Variants in GULP1 observed in about 807,000 individuals in gnomAD.
GULP1 encodes GULP PTB domain containing engulfment adaptor 1.
In GULP1, 19 loss-of-function variants were observed where a neutral mutation model predicts 40.9. The ratio of observed to expected loss-of-function variants is 0.46; its 90% CI spans 0.32 to 0.68. The LOEUF is 0.68. Ranked by LOEUF, GULP1 falls within the 30% of genes least tolerant of loss-of-function variation. GULP1 has a pLI of 0.03. For synonymous variants in GULP1, 119 were observed against 117.6 expected, an observed-to-expected ratio of 1.01 and a Z score of -0.08; for missense variants, 312 against 362.2, an observed-to-expected ratio of 0.86 and a Z score of 1.12.
chr2:188,455,508 A>G (rs1280079368), intron 2 of GULP1, among the ~76,000 whole-genome samples: 1 of 152,166 alleles, frequency 6.6e-6, no homozygotes, highest in African/African-American at 2.4e-5. Context: ...GCCTGCTGCC[A>G]TCCACACAGG....
At chr2:188,422,442 G>A (rs971393951) in intron 2 of GULP1, among the ~76,000 whole-genome samples, 4 of 150,944 alleles carry the variant, frequency 2.6e-5, no homozygotes, top group Non-Finnish European at 5.9e-5. Flanking sequence ...ATTTATCTCT[G>A]AAACTAAATA....
chr2:188,483,363 C>G (rs2061585369), intron 3 of GULP1, 68 bp from the exon 4 acceptor site: 1 of 712,384 alleles, frequency 1.4e-6, no homozygotes, highest in South Asian at 1.9e-5. Flanking sequence ...AATTACCATA[C>G]AAATGGTAAT....
chr2:188,293,115 A>G (rs1043116609), intron 1 of GULP1: 3 of 152,292 alleles, frequency 2.0e-5, no homozygotes, highest in African/African-American at 4.8e-5. Context: ...GTGCCAAGGT[A>G]GAGTAAGGAA....
chr2:188,296,044 T>C (rs1287953441), intron 1 of GULP1, among the ~76,000 whole-genome samples: 1 of 152,098 alleles, frequency 6.6e-6, no homozygotes, highest in South Asian at 2.1e-4. Flanking sequence ...TTCAGTATAA[T>C]AATGAATTCA....
In GULP1 at chr2:188,369,802, A is replaced by G. The variant is rs114773343; in HGVS notation, c.-171-13961A>G. ...GACTAATTCTCTTCCCATCCCGCTCAGAGTCTAGAGCCTATTCTTGGTTCA... is the reference window on the plus strand; with the variant it reads ...GACTAATTCTCTTCCCATCCCGCTCGGAGTCTAGAGCCTATTCTTGGTTCA... On this transcript the variant is annotated intron_variant, in intron 1 of 11. Coordinates refer to ENST00000409830, the MANE Select transcript of GULP1 (RefSeq NM_016315.4). Among the ~76,000 whole-genome samples, 608 of 152,200 alleles carry G rather than the reference A, an allele frequency of 4.0e-3. 2 individuals carry two copies. Among genetic ancestry groups the G allele is most frequent in the Admixed American group, 0.01 (159 of 15,292 alleles).
intron 2 of GULP1, among the ~76,000 whole-genome samples, chr2:188,429,974 G>A (rs942023901): frequency 6.6e-6 from 1 of 152,066 alleles, no homozygotes; most frequent in Non-Finnish European, 1.5e-5. Flanking sequence ...CTCCCAAAGT[G>A]CTGGGATTTC....
chr2:188,359,133 A>G (rs559156794), intron 1 of GULP1, among the ~76,000 whole-genome samples: 34 of 152,276 alleles, frequency 2.2e-4, no homozygotes, highest in African/African-American at 7.9e-4. Flanking sequence ...TAGTAAACAT[A>G]CAACATCTTT....
At chr2:188,486,081 CA>C (rs902258155) in intron 4 of GULP1, among the ~76,000 whole-genome samples, 46 of 152,028 alleles carry the variant, frequency 3.0e-4, no homozygotes, top group Admixed American at 3.0e-3. Flanking sequence ...GTTAAAAAGG[CA>C]AATTGGGAAG....
intron 2 of GULP1, among the ~76,000 whole-genome samples, chr2:188,401,206 TTAAA>T (rs1338802756): frequency 6.6e-6 from 1 of 152,068 alleles, no homozygotes; most frequent in Admixed American, 6.6e-5. Flanking sequence ...TTATGCGGAA[TTAAA>T]TAATGACATA....
chr2:188,388,860 T>C (rs1015111591), intron 2 of GULP1, among the ~76,000 whole-genome samples: 3 of 152,160 alleles, frequency 2.0e-5, no homozygotes, highest in African/African-American at 7.2e-5. Context: ...TAGTGAGTAA[T>C]AATTATGTTG....
intron 2 of GULP1, among the ~76,000 whole-genome samples, chr2:188,408,949 A>G (rs774420292): frequency 3.3e-5 from 5 of 152,206 alleles, no homozygotes; most frequent in Non-Finnish European, 7.4e-5. Flanking sequence ...GACAAGTGAA[A>G]ATGGAAGCAC....
chr2:188,568,107 A>G (rs1325632682), intron 7 of GULP1, among the ~76,000 whole-genome samples: 1 of 152,102 alleles, frequency 6.6e-6, no homozygotes, highest in Non-Finnish European at 1.5e-5. Flanking sequence ...GTTAAATACT[A>G]TATTTTTGTC....
intron 7 of GULP1, among the ~76,000 whole-genome samples, chr2:188,553,264 G>A (rs1248234149): frequency 2.0e-5 from 3 of 151,798 alleles, no homozygotes; most frequent in Admixed American, 6.6e-5. Flanking sequence ...GTTCCAGTTC[G>A]TAGAGGAAAG....
At chr2:188,456,150 A>C (rs1170789994) in intron 2 of GULP1, among the ~76,000 whole-genome samples, 3 of 152,224 alleles carry the variant, frequency 2.0e-5, no homozygotes, top group African/African-American at 7.2e-5. Context: ...GCAGCCTGAC[A>C]AGGCAATAGA....
intron 4 of GULP1, among the ~76,000 whole-genome samples, chr2:188,508,224 A>G (rs2153189491): frequency 6.6e-6 from 1 of 152,180 alleles, no homozygotes; most frequent in Non-Finnish European, 1.5e-5. Flanking sequence ...GAAGCATTAC[A>G]TAACTTTACT....
chr2:188,417,265 C>A (rs2054707699), intron 2 of GULP1, among the ~76,000 whole-genome samples: 1 of 152,174 alleles, frequency 6.6e-6, no homozygotes, highest in African/African-American at 2.4e-5. Context: ...GCTTTTAAAG[C>A]ATGGCTCATT....
At position 188,495,906 on chromosome 2, in the gene GULP1, G is replaced by A. The variant is rs550849510; in HGVS notation, c.90+12414G>A. ...TACAGATGGGATTTTTTAGAATATA[G>A]CACATTTATTAGGAGGTTAGTCCCT... On this transcript the variant is annotated intron_variant, in intron 4 of 11. Transcript: ENST00000409830. Among the ~76,000 whole-genome samples, 18 of 152,036 alleles carry A rather than the reference G, an allele frequency of 1.2e-4. 1 individual carries two copies. The South Asian group carries it at 3.3e-3, about 28-fold the overall frequency.
chr2:188,548,564 C>T (rs1692574325), intron 7 of GULP1, among the ~76,000 whole-genome samples: 1 of 151,906 alleles, frequency 6.6e-6, no homozygotes. Context: ...TAGATATAGA[C>T]AAGACAAGAT....
intron 3 of GULP1, among the ~76,000 whole-genome samples, chr2:188,478,671 CT>C (rs376417343): frequency 2.1e-4 from 32 of 152,124 alleles, no homozygotes; most frequent in African/African-American, 7.2e-4. Flanking sequence ...AAATCTAATA[CT>C]TTTATCATGA....
Sources: gnomAD v4.1 joint callset for allele counts (sites outside exome capture counted in the v4.1 genomes callset) on GRCh38, gnomAD v4.1.1 for gene constraint, MANE v1.5 for transcripts, NCBI Gene and HGNC (gene_info 2026-07-23, HGNC 2026-07-21) for gene names.